DOCK8: variants seen among roughly 807,000 people sequenced by gnomAD.
DOCK8 encodes dedicator of cytokinesis 8.
A neutral mutation model predicts 245.6 loss-of-function variants in DOCK8; 141 were observed. The ratio of observed to expected loss-of-function variants is 0.57; its 90% CI spans 0.50 to 0.66. DOCK8 has a LOEUF of 0.66. Among genes scored for constraint, DOCK8 ranks in the 30% least tolerant of loss-of-function variants. The probability of loss-of-function intolerance (pLI) is 0.00; values close to 1 mark genes in which losing one functional copy is unlikely to be tolerated. For synonymous variants in DOCK8, 1,168 were observed against 970.2 expected, an observed-to-expected ratio of 1.20 and a Z score of -3.79; for missense variants, 2,965 against 2,603.4, an observed-to-expected ratio of 1.14 and a Z score of -3.02.
chr9:403,992 G>GTATATATATATACATATATATATA (rs1210095258), intron 26 of DOCK8, among the ~76,000 whole-genome samples: 7 of 68,462 alleles, frequency 1.0e-4, no homozygotes, highest in African/African-American at 5.7e-4. Context: ...ATATATATAT[G>GTATATATATATACATATATATATA]TGTATATATA....
At chr9:431,702 T>C (rs1015098289) in intron 36 of DOCK8, among the ~76,000 whole-genome samples, 3 of 151,686 alleles carry the variant, frequency 2.0e-5, no homozygotes, top group African/African-American at 7.3e-5. Flanking sequence ...AGAGGCGGGG[T>C]TTTGCTGTGT....
At chr9:438,131 G>A (rs536676345) in intron 39 of DOCK8, among the ~76,000 whole-genome samples, 2 of 152,340 alleles carry the variant, frequency 1.3e-5, no homozygotes, top group African/African-American at 4.8e-5. Flanking sequence ...TGCATGTGAA[G>A]AGATAGGGCT....
At chr9:441,143 G>A (rs907326296) in intron 40 of DOCK8, 143 bp from the exon 41 acceptor site, 3 of 1,249,688 alleles carry the variant, frequency 2.4e-6, no homozygotes, top group Non-Finnish European at 2.3e-6. Context: ...AAAGTGCTCA[G>A]ATACCCCTTC....
At chr9:414,978 G>A (rs759779599) in intron 29 of DOCK8, 27 bp downstream of exon 29, 2 of 1,611,874 alleles carry the variant, frequency 1.2e-6, no homozygotes, top group South Asian at 1.1e-5. Flanking sequence ...TTTCTTTCTT[G>A]GATTGTTGGG....
At chr9:445,235 G>A (rs1162937139) in intron 43 of DOCK8, among the ~76,000 whole-genome samples, 1 of 152,152 alleles carries the variant, frequency 6.6e-6, no homozygotes, top group African/African-American at 2.4e-5. Flanking sequence ...CAGCCAAGGT[G>A]CCCTTTTCCC....
chr9:298,808 A>G (rs1279412569), intron 4 of DOCK8, among the ~76,000 whole-genome samples: 2 of 151,390 alleles, frequency 1.3e-5, no homozygotes, highest in Admixed American at 6.6e-5. Context: ...CCTAATTTTT[A>G]TTTCTGTGGC....
At chr9:260,098 C>G (rs1180009339) in intron 1 of DOCK8, among the ~76,000 whole-genome samples, 2 of 152,206 alleles carry the variant, frequency 1.3e-5, no homozygotes, top group African/African-American at 4.8e-5. Context: ...GTGGACCTCT[C>G]AGCCCTGCCC....
chr9:427,435 G>A (rs1184702569), intron 34 of DOCK8, among the ~76,000 whole-genome samples: 1 of 152,084 alleles, frequency 6.6e-6, no homozygotes, highest in East Asian at 1.9e-4. Flanking sequence ...TGTCTTCTTT[G>A]GACTTAAATT....
chr9:308,088 C>CG (rs765731545), intron 5 of DOCK8, among the ~76,000 whole-genome samples: 41 of 152,070 alleles, frequency 2.7e-4, no homozygotes, highest in Non-Finnish European at 5.3e-4. Context: ...GGTTGGTTAA[C>CG]GGTTACAAAA....
rs984620444 is a variant in DOCK8 at position 348,674 on chromosome 9, A to C, written c.1679+8353A>C. 3.3e-5 allele frequency among the ~76,000 whole-genome samples: 5 copies of C among 152,346 alleles called. No homozygotes were observed. The South Asian group carries it at 6.2e-4, about 19-fold the overall frequency. On this transcript the variant is annotated intron_variant, in intron 14 of 47. Coordinates refer to ENST00000432829, the MANE Select transcript of DOCK8 (RefSeq NM_203447.4). Reference sequence around the variant, plus strand: ...TTGTCTAGATTAGAGGGAGCACCTAAAATCCAAAAAGCCTTTTGTCTTTGA... The same window carrying C: ...TTGTCTAGATTAGAGGGAGCACCTACAATCCAAAAAGCCTTTTGTCTTTGA...
At chr9:293,988 A>G (rs946238288) in intron 4 of DOCK8, among the ~76,000 whole-genome samples, 2 of 152,198 alleles carry the variant, frequency 1.3e-5, no homozygotes, top group African/African-American at 4.8e-5. Context: ...CGTAAAGCCC[A>G]GCTGTGTAGC....
intron 40 of DOCK8, 129 bp from the exon 41 acceptor site, chr9:441,157 C>G (rs1262156258): frequency 7.2e-7 from 1 of 1,386,920 alleles, no homozygotes; most frequent in African/African-American, 1.4e-5. Context: ...CCCCTTCTTG[C>G]CCTGTGAAAT....
At chr9:408,725 A>T (rs1027591292) in intron 28 of DOCK8, among the ~76,000 whole-genome samples, 15 of 152,164 alleles carry the variant, frequency 9.9e-5, no homozygotes, top group Non-Finnish European at 1.9e-4. Context: ...TTCTATTTTC[A>T]TTCTAGCTGG....
chr9:462,493 C>T (rs949222603), intron 46 of DOCK8, among the ~76,000 whole-genome samples: 2 of 152,330 alleles, frequency 1.3e-5, no homozygotes, highest in African/African-American at 4.8e-5. Flanking sequence ...AGGCTCTGGA[C>T]GATATGCAGG....
intron 9 of DOCK8, among the ~76,000 whole-genome samples, chr9:330,244 G>A (rs560519280): frequency 6.6e-6 from 1 of 152,134 alleles, no homozygotes; most frequent in Non-Finnish European, 1.5e-5. Flanking sequence ...GGAAAGAAGA[G>A]TGAAAATGGG....
intron 2 of DOCK8, among the ~76,000 whole-genome samples, chr9:274,458 T>C (rs931461189): frequency 4.3e-5 from 6 of 138,282 alleles, no homozygotes; most frequent in African/African-American, 5.3e-5. Flanking sequence ...GCCCAGAGGA[T>C]TGAATTCTTT....
intron 24 of DOCK8, among the ~76,000 whole-genome samples, chr9:390,988 C>T (rs2054167843): frequency 6.6e-6 from 1 of 152,178 alleles, no homozygotes; most frequent in Admixed American, 6.5e-5. Context: ...TTTATCATGA[C>T]CTAAAAAGCC....
rs1322073009 is a variant in DOCK8 at position 408,888 on chromosome 9, GCA to G, written c.3530+1825_3530+1826del. 4.8e-5 allele frequency among the ~76,000 whole-genome samples: 5 copies of G among 105,262 alleles called. No homozygotes were observed. The Admixed American group carries it at 4.8e-4, about 10-fold the overall frequency. 69.1% of individuals were successfully genotyped at this position (105,262 alleles called of 152,430 possible). On this transcript the variant is annotated intron_variant, in intron 28 of 47. Coordinates refer to ENST00000432829, the MANE Select transcript of DOCK8 (RefSeq NM_203447.4). Reference sequence around the variant, plus strand: ...CACACACACACACACACACACACACGCACACACGCGCGTGCACATGCACACAC... The same window carrying G: ...CACACACACACACACACACACACACGCACACGCGCGTGCACATGCACACAC...
At chr9:375,210 C>T (rs1330914369) in intron 18 of DOCK8, among the ~76,000 whole-genome samples, 36 of 152,154 alleles carry the variant, frequency 2.4e-4, no homozygotes, top group Admixed American at 2.4e-3. Flanking sequence ...GGTCTCCATC[C>T]CCTGTACACA....
Sources: allele counts gnomAD v4.1 joint callset (sites outside exome capture counted in the v4.1 genomes callset), GRCh38; gene constraint gnomAD v4.1.1; transcripts MANE v1.5; gene names NCBI Gene and HGNC (gene_info 2026-07-23, HGNC 2026-07-21).